ACOX2: variants seen among roughly 807,000 people sequenced by gnomAD.
ACOX2 encodes the protein acyl-CoA oxidase 2.
A neutral mutation model predicts 77.5 loss-of-function variants in ACOX2; 59 were observed. The observed-to-expected ratio is 0.76, with a 90% confidence interval of 0.62 to 0.95. The LOEUF (loss-of-function observed/expected upper bound fraction) is 0.95, where lower values mean the gene tolerates loss of function less well. ACOX2 is among the 40% of genes least tolerant of loss of function. ACOX2 has a pLI of 0.00. For synonymous variants in ACOX2, 317 were observed against 340.1 expected (o/e 0.93, Z 0.75); for missense variants, 837 against 880.4 (o/e 0.95, Z 0.62).
rs1038509943 is a variant in ACOX2 at position 58,515,906 on chromosome 3, T to C, written c.1850+1300A>G. 2.0e-5 allele frequency among the ~76,000 whole-genome samples: 3 copies of C among 151,916 alleles called. No homozygotes were observed. Among genetic ancestry groups the C allele is most frequent in the Admixed American group, 2.0e-4 (3 of 15,260 alleles). On this transcript the variant is annotated intron_variant, in intron 13 of 14. Coordinates refer to ENST00000302819, the MANE Select transcript of ACOX2 (RefSeq NM_003500.4). The surrounding 1 kb of genome is among the most constrained non-coding windows in gnomAD (Gnocchi z 4.0). ...AATCCTCCTACCTCAGCCTCCCGAGTAGCTGAGACTACAGGTGTGTGCCTG... is the reference window on the plus strand; with the variant it reads ...AATCCTCCTACCTCAGCCTCCCGAGCAGCTGAGACTACAGGTGTGTGCCTG...
chr3:58,532,623 G>A (rs527859536), intron 5 of ACOX2, among the ~76,000 whole-genome samples: 4 of 152,220 alleles, frequency 2.6e-5, no homozygotes, highest in African/African-American at 9.6e-5. Flanking sequence ...GACCTCAGGT[G>A]ATCCACTCAC....
chr3:58,531,150 T>C lies in ACOX2; in HGVS notation c.819+101A>G. On this transcript the variant is annotated intron_variant, in intron 7 of 14. Coordinates refer to ENST00000302819, the MANE Select transcript of ACOX2 (RefSeq NM_003500.4). This position sits in a 1 kb window ranked among gnomAD's most constrained non-coding sequence, Gnocchi z 5.8. ...GCCTCTCTTGGGGGAGGAGGTTATG[T>C]GGCCCAAACTAAGCTCTATGGAGGA... 9.9e-7 allele frequency: 1 copy of C among 1,010,642 alleles called. No homozygotes were observed. Among genetic ancestry groups the C allele is most frequent in the Non-Finnish European group, 1.5e-6 (1 of 683,678 alleles). The allele number at this position is 1,010,642 out of a possible 1,614,324, so 62.6% of individuals were successfully genotyped here. A position where few individuals can be genotyped will look rare whatever the true frequency, so the allele number is the denominator to read the frequency against.
In ACOX2 at chr3:58,526,711, C is replaced by A. The variant is rs773956508; in HGVS notation, c.1156-55G>T. On this transcript the variant is annotated intron_variant, in intron 9 of 14. Transcript: ENST00000302819. The surrounding 1 kb of genome is among the most constrained non-coding windows in gnomAD (Gnocchi z 4.3). ...TGTTAGGGGGCCTCCACCATAGGGA[C>A]CAACCCTGTGCACCACTTACTGAGC... The A allele has an allele frequency of 1.1e-5, 18 of 1,571,436 alleles. No homozygotes were observed. The highest frequency in any genetic ancestry group is 1.6e-5 in the Non-Finnish European group (18 of 1,153,314).
At chr3:58,513,429 C>T (rs188107221) in intron 13 of ACOX2, among the ~76,000 whole-genome samples, 31 of 152,266 alleles carry the variant, frequency 2.0e-4, no homozygotes, top group Admixed American at 1.5e-3. Context: ...TAAAAGTCCT[C>T]CTTTTTTTTG....
rs766435700 is a variant in ACOX2, at chr3:58,524,491, G to A, written c.1461C>T (p.Ala487=). 2 of 1,613,904 alleles carry A rather than the reference G, an allele frequency of 1.2e-6. No homozygotes were observed. The highest frequency in any genetic ancestry group is 4.5e-5 in the East Asian group (2 of 44,892). The change falls in exon 11 of 15, where the codon GCC becomes GCT. Residue 487 remains alanine, a synonymous_variant. Transcript: ENST00000302819. This position sits in a 1 kb window ranked among gnomAD's most constrained non-coding sequence, Gnocchi z 5.5. ...LTAPDLARCP[A]QRAADFLCPE... ...GGCAGAGGAAGTCGGCTGCCCTCTG[G>A]GCTGGACACCTGGCCAGGTCAGGTG...
In ACOX2 at chr3:58,519,987, C is replaced by T. The variant is rs896632739; in HGVS notation, c.1632+2509G>A. Among the ~76,000 whole-genome samples the T allele has an allele frequency of 6.6e-6, 1 of 152,168 alleles. No homozygotes were observed. Among genetic ancestry groups the T allele is most frequent in the Non-Finnish European group, 1.5e-5 (1 of 68,032 alleles). Reference sequence around the variant, plus strand: ...TGGAGAGCTGCCCAGGGGCCTGGGCCTTAAAAAGCAGGATGAGGATCAGAG... The same window carrying T: ...TGGAGAGCTGCCCAGGGGCCTGGGCTTTAAAAAGCAGGATGAGGATCAGAG... On this transcript the variant is annotated intron_variant, in intron 12 of 14. Coordinates refer to ENST00000302819, the MANE Select transcript of ACOX2 (RefSeq NM_003500.4). The surrounding 1 kb of genome is among the most constrained non-coding windows in gnomAD (Gnocchi z 5.0).
Position 58,505,150 on chromosome 3 carries a change from T to C in ACOX2, c.*74A>G. ...AAACATAAATATCTAATTTAAAATT[T>C]TAATGTTGCATATATGCCATAGTAC... On this transcript the variant is annotated 3_prime_UTR_variant, in exon 15 of 15. Coordinates refer to ENST00000302819, the MANE Select transcript of ACOX2 (RefSeq NM_003500.4). The surrounding 1 kb of genome is among the most constrained non-coding windows in gnomAD (Gnocchi z 4.4). The C allele has an allele frequency of 8.0e-7, 1 of 1,249,046 alleles. No homozygotes were observed. Among genetic ancestry groups the C allele is most frequent in the East Asian group, 2.4e-5 (1 of 41,668 alleles). The allele number at this position is 1,249,046 out of a possible 1,614,324, so 77.4% of individuals were successfully genotyped here.
At position 58,510,658 on chromosome 3, in the gene ACOX2, A is replaced by AT. The variant is rs2063274113; in HGVS notation, c.1851-1634_1851-1633insA. Among the ~76,000 whole-genome samples the AT allele has an allele frequency of 3.9e-4, 10 of 25,324 alleles. 1 individual carries two copies. Among genetic ancestry groups the AT allele is most frequent in the African/African-American group, 1.2e-3 (7 of 5,792 alleles). 16.6% of individuals were successfully genotyped at this position (25,324 alleles called of 152,430 possible). A position where few individuals can be genotyped will look rare whatever the true frequency, so the allele number is the denominator to read the frequency against. On this transcript the variant is annotated intron_variant, in intron 13 of 14. Coordinates refer to ENST00000302819, the MANE Select transcript of ACOX2 (RefSeq NM_003500.4). ...AAAAAAAAAAAAAAAAAAAAAAAAAAAAAAAATATATATATATATATATAT... is the reference window on the plus strand; with the variant it reads ...AAAAAAAAAAAAAAAAAAAAAAAAAATAAAAAATATATATATATATATATAT...
In ACOX2 at chr3:58,534,960, G is replaced by C; in HGVS notation, c.147C>G (p.Leu49=). ...ILDGGAQNTA[L]RRKVESIIHS... ...GCTTCCCCTTACCAACTTTCCTGCG[G>C]AGTGCAGTGTTCTGGGCACCTCCAT... The change falls in exon 2 of 15, where the codon CTC becomes CTG. Residue 49 remains leucine, a synonymous_variant. Coordinates refer to ENST00000302819, the MANE Select transcript of ACOX2 (RefSeq NM_003500.4). The surrounding 1 kb of genome is among the most constrained non-coding windows in gnomAD (Gnocchi z 4.8). 7 of 1,614,220 alleles carry C rather than the reference G, an allele frequency of 4.3e-6. No homozygotes were observed. Among genetic ancestry groups the C allele is most frequent in the Non-Finnish European group, 5.9e-6 (7 of 1,180,024 alleles).
chr3:58,517,440 A>G lies in ACOX2; in HGVS notation c.1633-17T>C, dbSNP rs1345205208. ...GCAGTGCACCTACAAAGACACAAAGATATGTTCTCCTGATTTCTGGTTTTC... is the reference window on the plus strand; with the variant it reads ...GCAGTGCACCTACAAAGACACAAAGGTATGTTCTCCTGATTTCTGGTTTTC... On this transcript the variant is annotated splice_polypyrimidine_tract_variant and intron_variant, in intron 12 of 14. Transcript: ENST00000302819. 2 of 1,610,210 alleles carry G rather than the reference A, an allele frequency of 1.2e-6. No homozygotes were observed. The highest frequency in any genetic ancestry group is 1.7e-6 in the Non-Finnish European group (2 of 1,176,786).
In ACOX2 at chr3:58,531,955, C is replaced by T. The variant is rs2063443592; in HGVS notation, c.584-143G>A. 8.5e-6 allele frequency: 11 copies of T among 1,292,982 alleles called. No homozygotes were observed. Among genetic ancestry groups the T allele is most frequent in the Non-Finnish European group, 1.1e-5 (11 of 983,570 alleles). The allele number at this position is 1,292,982 out of a possible 1,614,324, so 80.1% of individuals were successfully genotyped here. The stretch of plus-strand genomic sequence containing the variant: ...ACTGATCAAAGAGAGAGGGGATTGC[C>T]CCCAAAGAACCAAGCAAACCTAGCA... On this transcript the variant is annotated intron_variant, in intron 5 of 14. Coordinates refer to ENST00000302819, the MANE Select transcript of ACOX2 (RefSeq NM_003500.4). This position sits in a 1 kb window ranked among gnomAD's most constrained non-coding sequence, Gnocchi z 5.8.
chr3:58,524,557 C>T lies in ACOX2; in HGVS notation c.1395G>A (p.Thr465=), dbSNP rs1361574689. ...YLQTQMSPGS[T]PQRSLSPSVA... Reference sequence around the variant, plus strand: ...CAGATGGAGAGAGAGATCTCTGTGGCGTGGAGCCAGGGGACATCTGAGTCT... The same window carrying T: ...CAGATGGAGAGAGAGATCTCTGTGGTGTGGAGCCAGGGGACATCTGAGTCT... Residue 465 remains threonine (T), a synonymous_variant, in exon 11 of 15, where the codon ACG becomes ACA. Transcript: ENST00000302819. This position sits in a 1 kb window ranked among gnomAD's most constrained non-coding sequence, Gnocchi z 5.5. 3.1e-6 allele frequency: 5 copies of T among 1,614,030 alleles called. No individual in the cohort carries two copies. Among genetic ancestry groups the T allele is most frequent in the African/African-American group, 2.7e-5 (2 of 74,928 alleles).
chr3:58,521,494 G>A lies in ACOX2; in HGVS notation c.1632+1002C>T, dbSNP rs1349623102. On this transcript the variant is annotated intron_variant, in intron 12 of 14. Transcript: ENST00000302819. The surrounding 1 kb of genome is among the most constrained non-coding windows in gnomAD (Gnocchi z 4.8). Reference sequence around the variant, plus strand: ...CCTGTCCCTGCCTTCTTCCCCCTTAGCATCTCTGATCTACCCACTTGTCTC... The same window carrying A: ...CCTGTCCCTGCCTTCTTCCCCCTTAACATCTCTGATCTACCCACTTGTCTC... 2.6e-5 allele frequency among the ~76,000 whole-genome samples: 4 copies of A among 152,146 alleles called. No individual in the cohort carries two copies. Among genetic ancestry groups the A allele is most frequent in the South Asian group, 4.1e-4 (2 of 4,828 alleles).
In ACOX2 at chr3:58,524,543, A is replaced by C; in HGVS notation, c.1409T>G (p.Leu470Arg). The C allele has an allele frequency of 6.2e-7, 1 of 1,614,174 alleles. No individual in the cohort carries two copies. ...GGTGAGATATGCGACAGATGGAGAGAGAGATCTCTGTGGCGTGGAGCCAGG... is the reference window on the plus strand; with the variant it reads ...GGTGAGATATGCGACAGATGGAGAGCGAGATCTCTGTGGCGTGGAGCCAGG... ...MSPGSTPQRS[L>R]SPSVAYLTAP... The change falls in exon 11 of 15, where the codon CTC becomes CGC. Residue 470 changes from leucine to arginine, a missense_variant. Physicochemically the swap from Leu to Arg is moderately radical, Grantham distance 102. Transcript: ENST00000302819. The surrounding 1 kb of genome is among the most constrained non-coding windows in gnomAD (Gnocchi z 5.5).
At chr3:58,529,673 T>C (rs2063422467) in intron 8 of ACOX2, among the ~76,000 whole-genome samples, 1 of 152,222 alleles carries the variant, frequency 6.6e-6, no homozygotes, top group South Asian at 2.1e-4. Context: ...TCCAGAGAAC[T>C]CTTGCAGCCC....
intron 13 of ACOX2, among the ~76,000 whole-genome samples, chr3:58,510,085 T>G (rs1256732672): frequency 6.6e-6 from 1 of 152,200 alleles, no homozygotes; most frequent in Non-Finnish European, 1.5e-5. Context: ...GTTCCCATTC[T>G]TCTTCCTCCT....
In ACOX2 at chr3:58,517,188, G is replaced by T; in HGVS notation, c.1850+18C>A. The T allele has an allele frequency of 1.2e-6, 2 of 1,611,794 alleles. No homozygotes were observed. Among genetic ancestry groups the T allele is most frequent in the South Asian group, 2.2e-5 (2 of 90,932 alleles). ...TATTCTCTGAAGACTAACATGGTTTGAAGTCTCTGCCACTCACCGGATCAG... is the reference window on the plus strand; with the variant it reads ...TATTCTCTGAAGACTAACATGGTTTTAAGTCTCTGCCACTCACCGGATCAG... On this transcript the variant is annotated intron_variant, in intron 13 of 14. Coordinates refer to ENST00000302819, the MANE Select transcript of ACOX2 (RefSeq NM_003500.4).
chr3:58,528,687 G>T lies in ACOX2; in HGVS notation c.1155+107C>A. The stretch of plus-strand genomic sequence containing the variant: ...GGATGCTGAAAGCTGGGAGAGGTGG[G>T]GGTGGGGAGTGCCCATGGGGATGGG... On this transcript the variant is annotated intron_variant, in intron 9 of 14. Coordinates refer to ENST00000302819, the MANE Select transcript of ACOX2 (RefSeq NM_003500.4). The surrounding 1 kb of genome is among the most constrained non-coding windows in gnomAD (Gnocchi z 5.6). The T allele has an allele frequency of 1.5e-6, 2 of 1,353,084 alleles. No homozygotes were observed. The highest frequency in any genetic ancestry group is 2.5e-5 in the East Asian group (1 of 40,186). The allele number at this position is 1,353,084 out of a possible 1,614,324, so 83.8% of individuals were successfully genotyped here.
rs145393167 is a variant in ACOX2 at position 58,517,822 on chromosome 3, C to G, written c.1633-399G>C. Among the ~76,000 whole-genome samples the G allele has an allele frequency of 2.5e-3, 378 of 152,094 alleles. 1 individual carries two copies. The highest frequency in any genetic ancestry group is 8.6e-3 in the African/African-American group (358 of 41,526). On this transcript the variant is annotated intron_variant, in intron 12 of 14. Coordinates refer to ENST00000302819, the MANE Select transcript of ACOX2 (RefSeq NM_003500.4). ...GGGCGCGGTGGCTCACGCCTGTAAT[C>G]CCAGCACTTTGGGAGGCCAAGGTGG...
Sources: allele counts gnomAD v4.1 joint callset (sites outside exome capture counted in the v4.1 genomes callset), GRCh38; gene constraint gnomAD v4.1.1; non-coding constraint Gnocchi (gnomAD v3.1); transcripts MANE v1.5; gene names NCBI Gene and HGNC (gene_info 2026-07-23, HGNC 2026-07-21).